PI4KB: variants seen among roughly 807,000 people sequenced by gnomAD.
The protein encoded by PI4KB is PtdIns 4-kinase beta.
PI4KB carries 23 observed loss-of-function variants against 81.4 expected under a neutral mutation model. The ratio of observed to expected loss-of-function variants is 0.28; its 90% CI spans 0.20 to 0.40. The LOEUF (loss-of-function observed/expected upper bound fraction) is 0.40. Among genes scored for constraint, PI4KB ranks in the 10% least tolerant of loss-of-function variants. The pLI, the probability that PI4KB is intolerant of heterozygous loss-of-function variation, is 1.00. For synonymous variants in PI4KB, 381 were observed against 406.8 expected (o/e 0.94, Z 0.76); for missense variants, 651 against 1,036.6 (o/e 0.63, Z 5.11).
At chr1:151,309,475 T>C (rs920864138) in intron 3 of PI4KB, among the ~76,000 whole-genome samples, 9 of 152,086 alleles carry the variant, frequency 5.9e-5, no homozygotes, top group South Asian at 2.1e-4. Flanking sequence ...ACAAATCAAA[T>C]AGAAAATATA....
intron 4 of PI4KB, 26 bp from the exon 5 acceptor site, chr1:151,306,389 G>T: frequency 6.8e-7 from 1 of 1,465,866 alleles, no homozygotes; most frequent in Non-Finnish European, 9.6e-7. Context: ...GACAGTATTT[G>T]CAACTTACTT....
Position 151,316,476 on chromosome 1 carries a change from T to A in PI4KB, c.6A>T (p.Gly2=). 6.6e-7 allele frequency: 1 copy of A among 1,520,592 alleles called. No homozygotes were observed. The highest frequency in any genetic ancestry group is 8.8e-7 in the Non-Finnish European group (1 of 1,136,192). The allele number at this position is 1,520,592 out of a possible 1,614,324, so 94.2% of individuals were successfully genotyped here. A position where few individuals can be genotyped will look rare whatever the true frequency, so the allele number is the denominator to read the frequency against. Reference sequence around the variant, plus strand: ...AGGGGGCAGGCTCCACTACTGTATCTCCCATGGCCACAGCCAGACTTCGAG... The same window carrying A: ...AGGGGGCAGGCTCCACTACTGTATCACCCATGGCCACAGCCAGACTTCGAG... M[G]DTVVEPAPLK... The change falls in exon 2 of 12, where the codon GGA becomes GGT. Residue 2 remains glycine, a synonymous_variant. Transcript: ENST00000368873.
intron 10 of PI4KB, 58 bp downstream of exon 10, chr1:151,294,351 C>T: frequency 6.3e-7 from 1 of 1,591,770 alleles, no homozygotes; most frequent in Non-Finnish European, 8.6e-7. Flanking sequence ...AGCTCCCTCT[C>T]CCATGACAGA....
rs1031076233 is a variant in PI4KB, at chr1:151,293,271, ACAC to A, written c.2270-241_2270-239del. 7.1e-6 allele frequency: 10 copies of A among 1,406,036 alleles called. No individual in the cohort carries two copies. In the African/African-American group the frequency reaches 1.2e-4, roughly 16 times the overall value. The allele number at this position is 1,406,036 out of a possible 1,614,324, so 87.1% of individuals were successfully genotyped here. On this transcript the variant is annotated intron_variant, in intron 11 of 11. Transcript: ENST00000368873. ...GTGGGCAGAGGAAGGAAGGGGACCA[ACAC>A]CACATCTCCCTCAGTAAGGGTGGAG... is the stretch of plus-strand genomic sequence containing the variant.
Position 151,326,977 on chromosome 1 carries a change from G to A in PI4KB, c.-29+294C>T, listed in dbSNP as rs535703151. On this transcript the variant is annotated intron_variant, in intron 1 of 11. Transcript: ENST00000368873. The stretch of plus-strand genomic sequence containing the variant: ...TTATGGGAGTCGTCTGATATGGAAA[G>A]GGTTCATGACTTAAAAAAAAGAATT... Among the ~76,000 whole-genome samples the A allele has an allele frequency of 5.3e-5, 8 of 152,254 alleles. No homozygotes were observed. The South Asian group carries it at 1.7e-3, about 32-fold the overall frequency.
chr1:151,301,106 A>ACTCTGCTTTT (rs1695234524), intron 8 of PI4KB: 1 of 152,358 alleles, frequency 6.6e-6, no homozygotes, highest in African/African-American at 2.4e-5. Context: ...GGAAAGTTGC[A>ACTCTGCTTTT]CTAGCTTCTC....
rs778673407 is a variant in PI4KB, at chr1:151,299,002, A to G, written c.1821T>C (p.Ser607=). The change falls in exon 9 of 12, where the codon AGT becomes AGC. Residue 607 remains serine (S), a synonymous_variant. Coordinates refer to ENST00000368873, the MANE Select transcript of PI4KB (RefSeq NM_001369623.2). Reference sequence around the variant, plus strand: ...CATTGACCACTGGTTCAATCATGCCACTATCAGCCGAAATCACAAGAATCT... The same window carrying G: ...CATTGACCACTGGTTCAATCATGCCGCTATCAGCCGAAATCACAAGAATCT... ...PYKILVISAD[S]GMIEPVVNAV... 6.2e-7 allele frequency: 1 copy of G among 1,614,090 alleles called. No homozygotes were observed. Among genetic ancestry groups the G allele is most frequent in the East Asian group, 2.2e-5 (1 of 44,888 alleles).
intron 1 of PI4KB, among the ~76,000 whole-genome samples, chr1:151,319,052 C>T (rs1422724594): frequency 1.3e-5 from 2 of 152,192 alleles, no homozygotes; most frequent in African/African-American, 4.8e-5. Flanking sequence ...GCAACTTATG[C>T]AAGCCATTTA....
At position 151,292,746 on chromosome 1, in the gene PI4KB, G is replaced by C. The variant is rs1367727741; in HGVS notation, c.*106C>G. On this transcript the variant is annotated 3_prime_UTR_variant, in exon 12 of 12. Transcript: ENST00000368873. ...TGTTTCTTGCCTTCCATTTCCCTTG[G>C]GTGGATGGTTGGGTAGGTGGGGTTT... 3 of 983,998 alleles carry C rather than the reference G, an allele frequency of 3.0e-6. No homozygotes were observed. The African/African-American group carries it at 4.9e-5, about 16-fold the overall frequency. The allele number at this position is 983,998 out of a possible 1,614,324, so 61.0% of individuals were successfully genotyped here.
At chr1:151,293,905 G>C (rs748200746) in intron 11 of PI4KB, 113 bp downstream of exon 11, 1 of 1,200,100 alleles carries the variant, frequency 8.3e-7, no homozygotes, top group Non-Finnish European at 1.2e-6. Context: ...AAACTCTCTG[G>C]GAACCCCCCT....
intron 1 of PI4KB, among the ~76,000 whole-genome samples, chr1:151,318,627 G>A (rs1217863065): frequency 2.0e-5 from 3 of 152,080 alleles, no homozygotes; most frequent in South Asian, 4.2e-4. Flanking sequence ...CAGGAGAATC[G>A]CTTGAACCCG....
chr1:151,297,025 C>T (rs1694857430), intron 9 of PI4KB, among the ~76,000 whole-genome samples: 1 of 152,134 alleles, frequency 6.6e-6, no homozygotes, highest in Non-Finnish European at 1.5e-5. Context: ...GATTCACCTG[C>T]CTCAGGCTCC....
intron 9 of PI4KB, 102 bp downstream of exon 9, chr1:151,298,706 C>T: frequency 8.2e-7 from 1 of 1,226,898 alleles, no homozygotes; most frequent in Non-Finnish European, 1.2e-6. Flanking sequence ...TCATTTTTCA[C>T]ATCTTTGCCA....
In PI4KB at chr1:151,316,136, C is replaced by A; in HGVS notation, c.346G>T (p.Ala116Ser). 1 of 1,614,098 alleles carries A rather than the reference C, an allele frequency of 6.2e-7. No homozygotes were observed. Among genetic ancestry groups the A allele is most frequent in the Non-Finnish European group, 8.5e-7 (1 of 1,180,000 alleles). ...GAGTTGTTCTGCCGCCGTCTTCTTG[C>A]TCCTTTGGCTGTGCCTGAGGCCACA... is the stretch of plus-strand genomic sequence containing the variant. ...AAVASGTAKG[A>S]RRRRQNNSAK... is the part of the protein sequence containing the mutation. Residue 116 changes from alanine to serine, a missense_variant, in exon 2 of 12, where the codon GCA (alanine) becomes TCA (serine). Coordinates refer to ENST00000368873, the MANE Select transcript of PI4KB (RefSeq NM_001369623.2).
At position 151,315,890 on chromosome 1, in the gene PI4KB, T is replaced by C. The variant is rs1647858474; in HGVS notation, c.592A>G (p.Ile198Val). The C allele has an allele frequency of 1.2e-6, 2 of 1,614,012 alleles. No individual in the cohort carries two copies. The highest frequency in any genetic ancestry group is 1.1e-5 in the South Asian group (1 of 91,064). ...EDVGDAIKPY[I>V]VHRCRQSINF... ...ATGCTCTGGCGGCAACGGTGGACTA[T>C]GTAGGGCTTAATGGCATCACCCACG... The change falls in exon 2 of 12, where the codon ATA (isoleucine) becomes GTA (valine). Residue 198 changes from isoleucine to valine, a missense_variant. Transcript: ENST00000368873.
intron 1 of PI4KB, among the ~76,000 whole-genome samples, chr1:151,316,774 GT>G (rs1270737969): frequency 6.6e-6 from 1 of 152,198 alleles, no homozygotes; most frequent in Non-Finnish European, 1.5e-5. Flanking sequence ...GTGAAATGTT[GT>G]TTTGTATATG....
At chr1:151,317,667 G>A (rs1448591830) in intron 1 of PI4KB, among the ~76,000 whole-genome samples, 1 of 152,092 alleles carries the variant, frequency 6.6e-6, no homozygotes, top group East Asian at 1.9e-4. Context: ...TTACTCCCTT[G>A]TTCCCTAACT....
At position 151,312,241 on chromosome 1, in the gene PI4KB, G is replaced by GC. The variant is rs1647246975; in HGVS notation, c.910-1987dup. 2.0e-5 allele frequency among the ~76,000 whole-genome samples: 3 copies of GC among 152,338 alleles called. No individual in the cohort carries two copies. In the South Asian group the frequency reaches 6.2e-4, roughly 32 times the overall value. On this transcript the variant is annotated intron_variant, in intron 2 of 11. Transcript: ENST00000368873. ...GGGCAGGAAGAGAACTGTACATGCT[G>GC]CCCCTGAGCCTCTTCTTTGAGGCCC...
At chr1:151,308,646 T>C (rs978584647) in intron 3 of PI4KB, among the ~76,000 whole-genome samples, 1 of 152,100 alleles carries the variant, frequency 6.6e-6, no homozygotes, top group Admixed American at 6.6e-5. Context: ...AATTCAGTCA[T>C]CCTCAGAAAG....
Sources: allele counts gnomAD v4.1 joint callset (sites outside exome capture counted in the v4.1 genomes callset), GRCh38; gene constraint gnomAD v4.1.1; transcripts MANE v1.5; gene names NCBI Gene and HGNC (gene_info 2026-07-23, HGNC 2026-07-21).